SH2D1A: variants seen among roughly 807,000 people sequenced by gnomAD.
SH2D1A encodes SH2 domain containing 1A.
Under a neutral mutation model 10.1 loss-of-function variants are expected in SH2D1A, and 6 were observed. The ratio of observed to expected loss-of-function variants is 0.60; its 90% CI spans 0.33 to 1.18. The LOEUF (loss-of-function observed/expected upper bound fraction) is 1.18, where lower values mean the gene tolerates loss of function less well. Ranked by LOEUF, SH2D1A falls within the 50% of genes most tolerant of loss-of-function variation. The pLI is 0.04. For synonymous variants in SH2D1A, 42 were observed against 36.9 expected (o/e 1.14, Z -0.51); for missense variants, 51 against 97.6 (o/e 0.52, Z 2.01).
chrX:124,361,626 G>C (rs2060040448), intron 1 of SH2D1A, among the ~76,000 whole-genome samples: 1 of 112,103 alleles, frequency 8.9e-6, no homozygotes, highest in African/African-American at 3.2e-5. Context: ...GTCTCAGATG[G>C]AAATCAGCAA....
intron 3 of SH2D1A, 103 bp downstream of exon 3, chrX:124,370,423 A>G (rs1222515344): frequency 1.5e-6 from 1 of 683,369 alleles, no homozygotes; most frequent in Non-Finnish European, 2.4e-6. Flanking sequence ...AGAAAAATGC[A>G]GTGAGAAAGT....
intron 1 of SH2D1A, among the ~76,000 whole-genome samples, chrX:124,354,009 C>G (rs1484601193): frequency 8.9e-6 from 1 of 112,022 alleles, no homozygotes; most frequent in African/African-American, 3.2e-5. Flanking sequence ...AACTTAACTT[C>G]ATTTAGTGAG....
chrX:124,359,591 C>T lies in SH2D1A; in HGVS notation c.138-6170C>T, dbSNP rs761650203. Among the ~76,000 whole-genome samples, 3 of 111,874 alleles carry T rather than the reference C, an allele frequency of 2.7e-5. No homozygotes were observed. In the East Asian group the frequency reaches 8.4e-4, roughly 31 times the overall value. On this transcript the variant is annotated intron_variant, in intron 1 of 3. Transcript: ENST00000371139. ...GAAAAATGGAAATCAAAGCTCTTGC[C>T]TTGTTCCCCATAGAGTACTTGCTGA... is the stretch of plus-strand genomic sequence containing the variant.
intron 1 of SH2D1A, among the ~76,000 whole-genome samples, chrX:124,349,722 A>T (rs997599679): frequency 1.2e-4 from 13 of 110,892 alleles, no homozygotes; most frequent in African/African-American, 3.9e-4. Flanking sequence ...TGGCTTTCAG[A>T]TATGGCCTTT....
intron 2 of SH2D1A, 146 bp downstream of exon 2, chrX:124,365,970 A>G: frequency 6.5e-6 from 3 of 459,512 alleles, no homozygotes; most frequent in Non-Finnish European, 1.2e-5. Context: ...TTCATGGATC[A>G]TTAAGAAAGC....
chrX:124,353,646 A>G (rs1353769256), intron 1 of SH2D1A, among the ~76,000 whole-genome samples: 1 of 111,528 alleles, frequency 9.0e-6, no homozygotes, highest in Non-Finnish European at 1.9e-5. Flanking sequence ...ATAAGACGAG[A>G]ACTAATTTAA....
intron 1 of SH2D1A, among the ~76,000 whole-genome samples, chrX:124,348,176 G>T (rs1337269790): frequency 9.0e-6 from 1 of 111,598 alleles, no homozygotes; most frequent in Non-Finnish European, 1.9e-5. Context: ...GAATGTCTTG[G>T]GCTTGAATCT....
Position 124,372,304 on chromosome X carries a change from G to A in SH2D1A, c.*913G>A, listed in dbSNP as rs1311924227. 3 of 167,062 alleles carry A rather than the reference G, an allele frequency of 1.8e-5. No individual in the cohort carries two copies. Among genetic ancestry groups the A allele is most frequent in the Non-Finnish European group, 3.4e-5 (3 of 87,401 alleles). 13.8% of individuals were successfully genotyped at this position (167,062 alleles called of 1,213,427 possible). On this transcript the variant is annotated 3_prime_UTR_variant, in exon 4 of 4. Transcript: ENST00000371139. ...CTACACGAGATACAGAATTTTATGC[G>A]GCATTTTCTTCTCACATTTATATTT...
chrX:124,369,335 A>C (rs937200898), intron 2 of SH2D1A, among the ~76,000 whole-genome samples: 2 of 112,115 alleles, frequency 1.8e-5, no homozygotes, highest in African/African-American at 6.5e-5. Flanking sequence ...AGCTTGGCTC[A>C]TAAGCTTTTG....
rs1168821696 is a variant in SH2D1A at position 124,372,849 on chromosome X, T to C, written c.*1458T>C. 3 of 159,933 alleles carry C rather than the reference T, an allele frequency of 1.9e-5. No individual in the cohort carries two copies. Among genetic ancestry groups the C allele is most frequent in the East Asian group, 1.9e-4 (2 of 10,754 alleles). 13.2% of individuals were successfully genotyped at this position (159,933 alleles called of 1,213,427 possible). On this transcript the variant is annotated 3_prime_UTR_variant, in exon 4 of 4. Coordinates refer to ENST00000371139, the MANE Select transcript of SH2D1A (RefSeq NM_002351.5). ...GGGAGTACAAAAGTGGAGTGTGGCC[T>C]GAGTAATGCATTATGGGTGGTTTAC...
Position 124,371,943 on chromosome X carries a change from T to C in SH2D1A, c.*552T>C, listed in dbSNP as rs1260824394. On this transcript the variant is annotated 3_prime_UTR_variant, in exon 4 of 4. Coordinates refer to ENST00000371139, the MANE Select transcript of SH2D1A (RefSeq NM_002351.5). ...TTATGTTTAATTCTGAAAGCAACCT[T>C]CTTGCCTAGTGTTCTGATATTGGAC... The C allele has an allele frequency of 6.4e-6, 1 of 155,829 alleles. No homozygotes were observed. The highest frequency in any genetic ancestry group is 1.2e-5 in the Non-Finnish European group (1 of 80,138). The allele number at this position is 155,829 out of a possible 1,213,427, so 12.8% of individuals were successfully genotyped here.
intron 1 of SH2D1A, among the ~76,000 whole-genome samples, chrX:124,347,742 G>A (rs755511245): frequency 5.4e-5 from 6 of 111,399 alleles, no homozygotes; most frequent in African/African-American, 2.0e-4. Flanking sequence ...CCTAGTAAAT[G>A]TTCAATAAAT....
intron 1 of SH2D1A, among the ~76,000 whole-genome samples, chrX:124,355,880 ATTTTATTT>A (rs984393376): frequency 5.4e-4 from 60 of 111,296 alleles, no homozygotes; most frequent in African/African-American, 1.9e-3. Context: ...ACATACTGTC[ATTTTATTT>A]TTTTATTTTT....
In SH2D1A at chrX:124,371,386, C is replaced by T. The variant is rs775191468; in HGVS notation, c.382C>T (p.Pro128Ser). 3 of 1,153,115 alleles carry T rather than the reference C, an allele frequency of 2.6e-6. No individual in the cohort carries two copies. In the South Asian group the frequency reaches 5.6e-5, roughly 21 times the overall value. Residue 128 changes from proline to serine, a missense_variant, in exon 4 of 4, where the codon CCA becomes TCA. Pro to Ser is a moderately conservative substitution (Grantham distance 74). Transcript: ENST00000371139. The stretch of plus-strand genomic sequence containing the variant: ...AGATCCTGATGTCTGCCTGAAAGCC[C>T]CATGAAGAAAAATAAAACACCTTGT... ...REDPDVCLKA[P>S]
At chrX:124,364,114 G>C (rs1250047153) in intron 1 of SH2D1A, among the ~76,000 whole-genome samples, 2 of 109,559 alleles carry the variant, frequency 1.8e-5, no homozygotes, top group Non-Finnish European at 3.8e-5. Context: ...TCCCTCAGGA[G>C]GTATTCCAGA....
At chrX:124,357,005 C>T (rs1439649942) in intron 1 of SH2D1A, among the ~76,000 whole-genome samples, 1 of 111,895 alleles carries the variant, frequency 8.9e-6, no homozygotes, top group Non-Finnish European at 1.9e-5. Context: ...TTAAAATCTA[C>T]TCTCTTAGCA....
intron 1 of SH2D1A, among the ~76,000 whole-genome samples, chrX:124,363,370 T>G (rs751351385): frequency 9.0e-6 from 1 of 111,666 alleles, no homozygotes; most frequent in Non-Finnish European, 1.9e-5. Context: ...ATTACTTCAT[T>G]TATAATATAT....
intron 1 of SH2D1A, among the ~76,000 whole-genome samples, chrX:124,351,668 T>G (rs1462436635): frequency 9.0e-6 from 1 of 110,966 alleles, no homozygotes; most frequent in African/African-American, 3.3e-5. Flanking sequence ...ACATTTTATA[T>G]TCCTTTGGTT....
At chrX:124,356,023 T>G (rs746059015) in intron 1 of SH2D1A, among the ~76,000 whole-genome samples, 1 of 108,838 alleles carries the variant, frequency 9.2e-6, no homozygotes, top group South Asian at 4.1e-4. Flanking sequence ...AACTCATCAT[T>G]TACATTAGGT....
Sources: allele counts gnomAD v4.1 joint callset (sites outside exome capture counted in the v4.1 genomes callset), GRCh38; gene constraint gnomAD v4.1.1; transcripts MANE v1.5; gene names NCBI Gene and HGNC (gene_info 2026-07-23, HGNC 2026-07-21).